AMTN: variants seen among roughly 807,000 people sequenced by gnomAD.
AMTN encodes the protein amelotin.
Under a neutral mutation model 27.4 loss-of-function variants are expected in AMTN, and 29 were observed. The ratio of observed to expected loss-of-function variants is 1.06; its 90% CI spans 0.79 to 1.44. The LOEUF (loss-of-function observed/expected upper bound fraction) is 1.44. Among genes scored for constraint, AMTN ranks in the 40% most tolerant of loss-of-function variants. The pLI, the probability that AMTN is intolerant of heterozygous loss-of-function variation, is 0.00. For missense variants in AMTN, 247 were observed against 248.8 expected, an observed-to-expected ratio of 0.99 and a Z score of 0.05; for synonymous variants, 86 against 95.7, an observed-to-expected ratio of 0.90 and a Z score of 0.59.
intron 2 of AMTN, among the ~76,000 whole-genome samples, chr4:70,520,162 G>A (rs967622426): frequency 6.6e-6 from 1 of 152,202 alleles, no homozygotes; most frequent in Admixed American, 6.5e-5. Context: ...CTCATGTGAG[G>A]TGGGCTGAGG....
In AMTN at chr4:70,525,216, T is replaced by C. The variant is rs574955507; in HGVS notation, c.294+255T>C. Among the ~76,000 whole-genome samples, 416 of 152,308 alleles carry C rather than the reference T, an allele frequency of 2.7e-3. 4 individuals are homozygous for C. Among genetic ancestry groups the C allele is most frequent in the African/African-American group, 9.0e-3 (374 of 41,570 alleles). On this transcript the variant is annotated intron_variant, in intron 5 of 8. Transcript: ENST00000339336. ...TTAATGGACAGGAAACCTTGAAAAGTTGGGGAAGATTGAAAAGTGAAAAAT... is the reference window on the plus strand; with the variant it reads ...TTAATGGACAGGAAACCTTGAAAAGCTGGGGAAGATTGAAAAGTGAAAAAT...
At chr4:70,527,118 C>T (rs1736116967) in intron 5 of AMTN, among the ~76,000 whole-genome samples, 1 of 152,138 alleles carries the variant, frequency 6.6e-6, no homozygotes, top group Admixed American at 6.5e-5. Context: ...GCTCATTTTG[C>T]TCAAAATTTA....
chr4:70,521,640 C>CTCT (rs1560572110), intron 2 of AMTN, among the ~76,000 whole-genome samples: 3 of 76,468 alleles, frequency 3.9e-5, no homozygotes, highest in African/African-American at 1.2e-4. Context: ...ACCAACCTCT[C>CTCT]TTTTTTTTTT....
intron 8 of AMTN, among the ~76,000 whole-genome samples, 171 bp downstream of exon 8, chr4:70,531,471 C>T (rs1405364818): frequency 2.0e-5 from 3 of 152,128 alleles, no homozygotes; most frequent in Admixed American, 2.0e-4. Context: ...TTTACTCAGC[C>T]ACCAACCCCC....
chr4:70,531,768 T>A (rs186522804), intron 8 of AMTN, among the ~76,000 whole-genome samples: 11 of 152,276 alleles, frequency 7.2e-5, no homozygotes, highest in African/African-American at 1.9e-4. Flanking sequence ...CACCTCGGCC[T>A]CCCAAAGTGC....
intron 2 of AMTN, among the ~76,000 whole-genome samples, chr4:70,519,638 T>C (rs1268673567): frequency 6.6e-6 from 1 of 151,956 alleles, no homozygotes; most frequent in African/African-American, 2.4e-5. Flanking sequence ...GAAGAAACAA[T>C]AGTGAGAAGG....
chr4:70,527,412 T>G (rs1391832095), intron 5 of AMTN, among the ~76,000 whole-genome samples: 1 of 152,210 alleles, frequency 6.6e-6, no homozygotes, highest in Non-Finnish European at 1.5e-5. Context: ...AAAAGAAATT[T>G]CCATTTCATT....
In AMTN at chr4:70,532,592, T is replaced by C. The variant is rs1180045212; in HGVS notation, c.*127T>C. 1.2e-6 allele frequency: 1 copy of C among 850,880 alleles called. No individual in the cohort carries two copies. Among genetic ancestry groups the C allele is most frequent in the Non-Finnish European group, 1.8e-6 (1 of 557,856 alleles). 52.7% of individuals were successfully genotyped at this position (850,880 alleles called of 1,614,324 possible). Reference sequence around the variant, plus strand: ...TCTTAGAAGAAATTAATTCTTAATTTACCTGAAAATATTCTTGAAATTTCA... The same window carrying C: ...TCTTAGAAGAAATTAATTCTTAATTCACCTGAAAATATTCTTGAAATTTCA... On this transcript the variant is annotated 3_prime_UTR_variant, in exon 9 of 9. Transcript: ENST00000339336.
At position 70,518,836 on chromosome 4, in the gene AMTN, GTATGT is replaced by G; in HGVS notation, c.54+12_54+16del. 1.2e-6 allele frequency: 2 copies of G among 1,606,468 alleles called. No individual in the cohort carries two copies. The highest frequency in any genetic ancestry group is 4.5e-5 in the East Asian group (2 of 44,802). ...GGATCAACTCGGTCATTACCAGTAA[GTATGT>G]TATGTTTGTTTTATATGCCAGCCAG... is the stretch of plus-strand genomic sequence containing the variant. On this transcript the variant is annotated splice_donor_region_variant and intron_variant, in intron 2 of 8. Transcript: ENST00000339336.
intron 7 of AMTN, among the ~76,000 whole-genome samples, chr4:70,530,098 G>T (rs1363187696): frequency 6.6e-6 from 1 of 152,064 alleles, no homozygotes; most frequent in African/African-American, 2.4e-5. Context: ...AGGCCTCAAA[G>T]GCAACAATGA....
intron 8 of AMTN, among the ~76,000 whole-genome samples, chr4:70,531,981 A>T (rs79106359): frequency 0.016 from 2,389 of 152,326 alleles, 53 homozygotes; most frequent in African/African-American, 0.053. Flanking sequence ...TGTTGGCATA[A>T]CACATGTTCC....
chr4:70,531,207 A>G lies in AMTN; in HGVS notation c.526A>G (p.Ser176Gly). Residue 176 changes from serine (S) to glycine (G), a missense_variant, in exon 8 of 9, where the codon AGT becomes GGT. Ser to Gly is a moderately conservative substitution (Grantham distance 56). Coordinates refer to ENST00000339336, the MANE Select transcript of AMTN (RefSeq NM_212557.4). ...CCCAGCAGGCCGCCTCCCAACTCCC[A>G]GTGGCACAGATGACGACTTTGCAGT... ...GTPAGRLPTP[S>G]GTDDDFAVTT... 6.2e-7 allele frequency: 1 copy of G among 1,614,048 alleles called. No homozygotes were observed. Among genetic ancestry groups the G allele is most frequent in the South Asian group, 1.1e-5 (1 of 91,082 alleles).
intron 4 of AMTN, among the ~76,000 whole-genome samples, chr4:70,524,260 A>T (rs1426029031): frequency 6.6e-6 from 1 of 152,126 alleles, no homozygotes; most frequent in African/African-American, 2.4e-5. Context: ...CATAAACACT[A>T]TCACTGCTAT....
intron 4 of AMTN, 77 bp downstream of exon 4, chr4:70,524,010 GT>G (rs1736041147): frequency 3.4e-6 from 4 of 1,185,092 alleles, no homozygotes; most frequent in Non-Finnish European, 5.0e-6. Flanking sequence ...GGGGGAGCAT[GT>G]ATATGGGTGC....
At chr4:70,525,213 A>C (rs1736075862) in intron 5 of AMTN, among the ~76,000 whole-genome samples, 1 of 152,170 alleles carries the variant, frequency 6.6e-6, no homozygotes, top group East Asian at 1.9e-4. Flanking sequence ...AAACCTTGAA[A>C]AGTTGGGGAA....
At chr4:70,518,922 G>T (rs1735881826) in intron 2 of AMTN, 91 bp downstream of exon 2, 3 of 1,060,296 alleles carry the variant, frequency 2.8e-6, no homozygotes, top group Middle Eastern at 2.0e-4. Context: ...CATCAAAACT[G>T]CTCTGTTTTG....
In AMTN at chr4:70,522,820, C is replaced by G; in HGVS notation, c.120C>G (p.Asn40Lys). 6.2e-7 allele frequency: 1 copy of G among 1,613,814 alleles called. No homozygotes were observed. The highest frequency in any genetic ancestry group is 1.7e-4 in the Middle Eastern group (1 of 6,058). ...KLAPDQGTLP[N>K]QQQSNQVFPS... The stretch of plus-strand genomic sequence containing the variant: ...CTCCGGATCAGGGAACACTACCAAA[C>G]CAACAGCAGTCAAATCAGGTAAGAG... Residue 40 changes from asparagine (N) to lysine (K), a missense_variant, in exon 3 of 9, where the codon AAC becomes AAG. Transcript: ENST00000339336.
At chr4:70,523,355 T>A (rs939120445) in intron 3 of AMTN, among the ~76,000 whole-genome samples, 1 of 152,098 alleles carries the variant, frequency 6.6e-6, no homozygotes, top group African/African-American at 2.4e-5. Context: ...GCATTATCTT[T>A]TGGCTACTGC....
chr4:70,528,833 C>T, intron 6 of AMTN, 75 bp downstream of exon 6: 1 of 1,289,928 alleles, frequency 7.8e-7, no homozygotes, highest in Non-Finnish European at 1.1e-6. Context: ...CCTCAATTCA[C>T]TAGATAGTTG....
Sources: allele counts gnomAD v4.1 joint callset (sites outside exome capture counted in the v4.1 genomes callset), GRCh38; gene constraint gnomAD v4.1.1; transcripts MANE v1.5; gene names NCBI Gene and HGNC (gene_info 2026-07-23, HGNC 2026-07-21).